ADCY9: variants seen among roughly 807,000 people sequenced by gnomAD.
ADCY9 encodes adenylate cyclase 9.
Under a neutral mutation model 101.5 loss-of-function variants are expected in ADCY9, and 50 were observed. That is an observed-to-expected ratio of 0.49 (90% CI 0.39 to 0.62). ADCY9 has a LOEUF of 0.62. Among genes scored for constraint, ADCY9 ranks in the 20% least tolerant of loss-of-function variants. The pLI, the probability that ADCY9 is intolerant of heterozygous loss-of-function variation, is 0.00. For synonymous variants in ADCY9, 905 were observed against 769.3 expected (o/e 1.18, Z -2.92); for missense variants, 1,662 against 1,800.4 (o/e 0.92, Z 1.39).
chr16:4,061,062 C>T (rs2056770862), intron 2 of ADCY9, among the ~76,000 whole-genome samples: 2 of 151,774 alleles, frequency 1.3e-5, no homozygotes, highest in Admixed American at 6.6e-5. Context: ...TTCTAGAGTT[C>T]AAAAGTATAA....
chr16:4,087,902 T>C (rs570708800), intron 2 of ADCY9, among the ~76,000 whole-genome samples: 2 of 151,642 alleles, frequency 1.3e-5, no homozygotes, highest in East Asian at 3.9e-4. Flanking sequence ...CCTCTCTTTC[T>C]CCCTTTCTTT....
At chr16:4,021,864 G>A (rs1485863465) in intron 2 of ADCY9, among the ~76,000 whole-genome samples, 1 of 152,120 alleles carries the variant, frequency 6.6e-6, no homozygotes, top group Non-Finnish European at 1.5e-5. Flanking sequence ...CCCCTTTAGG[G>A]TCCATAATAA....
At position 3,966,764 on chromosome 16, in the gene ADCY9, G is replaced by C. The variant is rs777459326; in HGVS notation, c.3073C>G (p.Arg1025Gly). The C allele has an allele frequency of 1.9e-6, 3 of 1,614,074 alleles. No individual in the cohort carries two copies. The highest frequency in any genetic ancestry group is 2.2e-5 in the East Asian group (1 of 44,900). The part of the protein sequence containing the change: ...DLHRTKIQSM[R>G]DQADWLLRNI... The stretch of plus-strand genomic sequence containing the variant: ...CTCAGCAGCCAGTCTGCCTGGTCCC[G>C]CATGCTCTGGATCTTGGTGCGGTGA... Residue 1025 changes from arginine (R) to glycine (G), a missense_variant, in exon 11 of 11, where the codon CGG becomes GGG. Physicochemically the swap from Arg to Gly is moderately radical, Grantham distance 125. Coordinates refer to ENST00000294016, the MANE Select transcript of ADCY9 (RefSeq NM_001116.4).
chr16:3,963,271 C>T lies in ADCY9; in HGVS notation c.*2504G>A, dbSNP rs1192277634. On this transcript the variant is annotated 3_prime_UTR_variant, in exon 11 of 11. Transcript: ENST00000294016. ...TAAGTTCCTAAGAGGTATTGCCACC[C>T]TGAAGCACGACCCATGCCGTCAGCA... 2 of 398,420 alleles carry T rather than the reference C, an allele frequency of 5.0e-6. No homozygotes were observed. Among genetic ancestry groups the T allele is most frequent in the Non-Finnish European group, 8.9e-6 (2 of 225,882 alleles). The allele number at this position is 398,420 out of a possible 1,614,324, so 24.7% of individuals were successfully genotyped here.
intron 2 of ADCY9, among the ~76,000 whole-genome samples, chr16:4,062,273 T>A (rs1176783593): frequency 6.6e-6 from 1 of 151,878 alleles, no homozygotes; most frequent in Admixed American, 6.6e-5. Flanking sequence ...ACCAAACAGA[T>A]GAAAACAGAA....
intron 2 of ADCY9, among the ~76,000 whole-genome samples, chr16:4,058,562 G>T (rs375709337): frequency 6.6e-6 from 1 of 152,062 alleles, no homozygotes; most frequent in Non-Finnish European, 1.5e-5. Context: ...ACTGACTCTT[G>T]TTGAGAGAAC....
intron 2 of ADCY9, among the ~76,000 whole-genome samples, chr16:4,055,697 G>A (rs993722805): frequency 6.6e-5 from 10 of 152,064 alleles, no homozygotes; most frequent in African/African-American, 2.2e-4. Flanking sequence ...AGCCAGGCGT[G>A]GCGCCGGGCG....
chr16:4,010,900 C>A (rs527837634), intron 2 of ADCY9, among the ~76,000 whole-genome samples: 5 of 152,118 alleles, frequency 3.3e-5, no homozygotes, highest in African/African-American at 1.2e-4. Context: ...GGGGCTCTCT[C>A]GCTTGCCCTC....
chr16:4,099,056 C>T (rs1296175389), intron 2 of ADCY9, among the ~76,000 whole-genome samples: 2 of 152,194 alleles, frequency 1.3e-5, no homozygotes, highest in South Asian at 2.1e-4. Flanking sequence ...CCTCAGTTTC[C>T]CGAGTAGCTG....
intron 2 of ADCY9, among the ~76,000 whole-genome samples, chr16:4,013,274 G>T (rs2056415962): frequency 1.3e-5 from 2 of 149,220 alleles, no homozygotes; most frequent in South Asian, 4.3e-4. Flanking sequence ...AGAAAAACAA[G>T]CCAGGCGTGG....
At chr16:3,977,387 CG>C (rs2056100865) in intron 9 of ADCY9, 94 bp downstream of exon 9, 1 of 1,444,730 alleles carries the variant, frequency 6.9e-7, no homozygotes, top group East Asian at 2.5e-5. Flanking sequence ...TCTATCGGGG[CG>C]TGAGAAGCAA....
At chr16:3,997,766 G>A (rs995653177) in intron 3 of ADCY9, among the ~76,000 whole-genome samples, 3 of 152,158 alleles carry the variant, frequency 2.0e-5, no homozygotes, top group Non-Finnish European at 4.4e-5. Flanking sequence ...TGTGTCACCC[G>A]GACCCAGCAG....
chr16:3,995,442 T>C (rs954961457), intron 3 of ADCY9, among the ~76,000 whole-genome samples: 2 of 151,880 alleles, frequency 1.3e-5, no homozygotes, highest in African/African-American at 2.4e-5. Context: ...AAAATAATAA[T>C]TAAATGAAAT....
At chr16:3,967,690 TAAC>T (rs1045720356) in intron 10 of ADCY9, among the ~76,000 whole-genome samples, 1 of 143,098 alleles carries the variant, frequency 7.0e-6, no homozygotes. Context: ...GTGCTTGGCC[TAAC>T]ATCTTTTTTT....
At chr16:4,065,243 A>G (rs1173488577) in intron 2 of ADCY9, among the ~76,000 whole-genome samples, 2 of 152,168 alleles carry the variant, frequency 1.3e-5, no homozygotes, top group African/African-American at 4.8e-5. Flanking sequence ...GGTCTTTAAA[A>G]TGATCTTCAC....
At chr16:4,080,721 T>TA (rs1337008952) in intron 2 of ADCY9, among the ~76,000 whole-genome samples, 1 of 151,496 alleles carries the variant, frequency 6.6e-6, no homozygotes, top group Non-Finnish European at 1.5e-5. Context: ...TTTTTTCGTT[T>TA]TTTTTTTTTT....
rs1336013092 is a variant in ADCY9 at position 3,963,222 on chromosome 16, A to C, written c.*2553T>G. ...CAAAGCAACTATTTACACACATTCA[A>C]TGCTGAAGTATTGCTTCCTGCCCTA... On this transcript the variant is annotated 3_prime_UTR_variant, in exon 11 of 11. Transcript: ENST00000294016. The C allele has an allele frequency of 5.1e-6, 2 of 389,942 alleles. No individual in the cohort carries two copies. The highest frequency in any genetic ancestry group is 2.1e-5 in the African/African-American group (1 of 47,892). 24.2% of individuals were successfully genotyped at this position (389,942 alleles called of 1,614,324 possible).
At position 4,115,262 on chromosome 16, in the gene ADCY9, C is replaced by T. The variant is rs1401387089; in HGVS notation, c.181G>A (p.Gly61Arg). 1 of 1,613,536 alleles carries T rather than the reference C, an allele frequency of 6.2e-7. No homozygotes were observed. Among genetic ancestry groups the T allele is most frequent in the South Asian group, 1.1e-5 (1 of 91,036 alleles). Reference sequence around the variant, plus strand: ...CCGCCCACTCGCCGGGGGACGCCCCCGGAGTCCCCAGAGCTGCTGCAGCTA... The same window carrying T: ...CCGCCCACTCGCCGGGGGACGCCCCTGGAGTCCCCAGAGCTGCTGCAGCTA... ...SSSCSSSGDS[G>R]GVPRRVGGGG... The change falls in exon 2 of 11, where the codon GGG becomes AGG. Residue 61 changes from glycine (G) to arginine (R), a missense_variant. Physicochemically the swap from Gly to Arg is moderately radical, Grantham distance 125 (BLOSUM62 -2). Coordinates refer to ENST00000294016, the MANE Select transcript of ADCY9 (RefSeq NM_001116.4). The surrounding 1 kb of genome is among the most constrained non-coding windows in gnomAD (Gnocchi z 6.2).
rs977377118 is a variant in ADCY9, at chr16:4,116,293, C to G, written c.-647G>C. 1.4e-5 allele frequency: 2 copies of G among 145,886 alleles called. No individual in the cohort carries two copies. The highest frequency in any genetic ancestry group is 2.5e-5 in the African/African-American group (1 of 40,566). 9.0% of individuals were successfully genotyped at this position (145,886 alleles called of 1,614,324 possible). On this transcript the variant is annotated 5_prime_UTR_variant, in exon 1 of 11. Transcript: ENST00000294016. ...CTCCCGCGACGCCGGCCGGGACGCCCGCCCGCCCGCGCCCACGCCGGGGGC... is the reference window on the plus strand; with the variant it reads ...CTCCCGCGACGCCGGCCGGGACGCCGGCCCGCCCGCGCCCACGCCGGGGGC...
Sources: allele counts gnomAD v4.1 joint callset (sites outside exome capture counted in the v4.1 genomes callset), GRCh38; gene constraint gnomAD v4.1.1; non-coding constraint Gnocchi (gnomAD v3.1); transcripts MANE v1.5; gene names NCBI Gene and HGNC (gene_info 2026-07-23, HGNC 2026-07-21).